Variants in SPMIP2 observed in about 807,000 individuals in gnomAD.
SPMIP2 encodes sperm microtubule inner protein 2, also known as protein SPMIP2.
At chr4:159,043,185 T>C in the SPMIP2 span, among the ~76,000 whole-genome samples, 1,288 of 152,268 alleles carry the variant, frequency 8.5e-3, 24 homozygotes, top group African/African-American at 0.03. Flanking sequence ...TTATTTTCCC[T>C]AGAAACTTCC....
chr4:158,897,063 A>C, the SPMIP2 span, among the ~76,000 whole-genome samples: 1 of 150,776 alleles, frequency 6.6e-6, no homozygotes. Flanking sequence ...TCATTGTTCA[A>C]CTCCCACGTA....
chr4:159,065,906 C>T, the SPMIP2 span, among the ~76,000 whole-genome samples: 1 of 152,120 alleles, frequency 6.6e-6, no homozygotes, highest in East Asian at 1.9e-4. Flanking sequence ...AGTTAAATAA[C>T]TTTTCCAAGG....
chr4:158,984,512 C>CATTCAGG, the SPMIP2 span, among the ~76,000 whole-genome samples: 5 of 151,572 alleles, frequency 3.3e-5, no homozygotes, highest in Non-Finnish European at 7.4e-5. Flanking sequence ...GGAAACTGAA[C>CATTCAGG]AACCTGCTCC....
the SPMIP2 span, among the ~76,000 whole-genome samples, chr4:159,014,295 A>T: frequency 6.6e-6 from 1 of 152,062 alleles, no homozygotes; most frequent in African/African-American, 2.4e-5. Context: ...TCTACTAAAA[A>T]TACAAAAATT....
the SPMIP2 span, among the ~76,000 whole-genome samples, chr4:159,020,264 A>G: frequency 6.6e-6 from 1 of 152,164 alleles, no homozygotes; most frequent in Non-Finnish European, 1.5e-5. Context: ...GAAGAGAAAG[A>G]AGCTATGGAG....
the SPMIP2 span, among the ~76,000 whole-genome samples, chr4:159,052,443 ATCTGCTCAGATG>A: frequency 6.6e-6 from 1 of 152,056 alleles, no homozygotes; most frequent in African/African-American, 2.4e-5. Flanking sequence ...AAAAAGATTT[ATCTGCTCAGATG>A]CCACAAACTC....
chr4:159,064,452 T>A, the SPMIP2 span: 3 of 152,140 alleles, frequency 2.0e-5, no homozygotes, highest in Non-Finnish European at 4.4e-5. Context: ...TAGAAAAGGA[T>A]TACTAAGTAA....
At chr4:159,027,210 C>T in the SPMIP2 span, among the ~76,000 whole-genome samples, 16 of 152,092 alleles carry the variant, frequency 1.1e-4, no homozygotes, top group South Asian at 4.1e-4. Context: ...ATGATAGCAA[C>T]GCCTAATATC....
the SPMIP2 span, among the ~76,000 whole-genome samples, chr4:159,070,870 G>C: frequency 6.6e-6 from 1 of 152,144 alleles, no homozygotes; most frequent in Non-Finnish European, 1.5e-5. Flanking sequence ...ATGTTTTAGA[G>C]GGAAAGTTGC....
the SPMIP2 span, among the ~76,000 whole-genome samples, chr4:158,969,424 C>T: frequency 2.6e-3 from 400 of 151,982 alleles, 10 homozygotes; most frequent in East Asian, 0.051. Flanking sequence ...CTCTTAAATC[C>T]GAGATGATGA....
chr4:158,927,109 T>C, the SPMIP2 span, among the ~76,000 whole-genome samples: 1 of 152,268 alleles, frequency 6.6e-6, no homozygotes, highest in African/African-American at 2.4e-5. Flanking sequence ...CATGTGTTTG[T>C]GGGCTCTGTT....
chr4:158,939,402 T>G, the SPMIP2 span, among the ~76,000 whole-genome samples: 1 of 152,202 alleles, frequency 6.6e-6, no homozygotes, highest in Non-Finnish European at 1.5e-5. Flanking sequence ...TCCTACTTAC[T>G]AATCTCCACA....
At chr4:158,993,310 T>G in the SPMIP2 span, among the ~76,000 whole-genome samples, 496 of 151,958 alleles carry the variant, frequency 3.3e-3, 3 homozygotes, top group African/African-American at 0.012. Flanking sequence ...GAGGTAGCAG[T>G]GAGCTATGAT....
the SPMIP2 span, among the ~76,000 whole-genome samples, chr4:158,968,105 C>T: frequency 6.6e-6 from 1 of 152,212 alleles, no homozygotes; most frequent in Non-Finnish European, 1.5e-5. Context: ...TCTTAGCTCA[C>T]TGCAACCTCC....
chr4:158,903,965 T>G, the SPMIP2 span, among the ~76,000 whole-genome samples: 1 of 152,220 alleles, frequency 6.6e-6, no homozygotes, highest in Non-Finnish European at 1.5e-5. Flanking sequence ...ATCTTGTGGC[T>G]TAAATGCTCA....
chr4:159,039,716 T>C, the SPMIP2 span, among the ~76,000 whole-genome samples: 1 of 152,236 alleles, frequency 6.6e-6, no homozygotes, highest in Non-Finnish European at 1.5e-5. Context: ...ATCCCTATTG[T>C]TTATGAATCA....
chr4:158,902,823 G>GA, the SPMIP2 span, among the ~76,000 whole-genome samples: 272 of 152,306 alleles, frequency 1.8e-3, 1 homozygote, highest in Non-Finnish European at 3.1e-3. Context: ...AGCAATGGTG[G>GA]ATGCCCCTCC....
the SPMIP2 span, among the ~76,000 whole-genome samples, chr4:158,919,696 C>A: frequency 6.6e-6 from 1 of 152,104 alleles, no homozygotes; most frequent in Admixed American, 6.5e-5. Flanking sequence ...TTGTTTAAAT[C>A]CACTTATTTC....
the SPMIP2 span, among the ~76,000 whole-genome samples, chr4:159,029,130 C>T: frequency 6.6e-6 from 1 of 152,194 alleles, no homozygotes; most frequent in African/African-American, 2.4e-5. Flanking sequence ...AAAATCTCCT[C>T]ACTATGTCAT....
Sources: gnomAD v4.1 joint callset for allele counts (sites outside exome capture counted in the v4.1 genomes callset) on GRCh38, gnomAD v4.1.1 for gene constraint, MANE v1.5 for transcripts, NCBI Gene and HGNC (gene_info 2026-07-23, HGNC 2026-07-21) for gene names.